SEMA6D: variants seen among roughly 807,000 people sequenced by gnomAD.
The protein encoded by SEMA6D is semaphorin 6D.
A neutral mutation model predicts 106.6 loss-of-function variants in SEMA6D; 35 were observed. That is an observed-to-expected ratio of 0.33 (90% CI 0.25 to 0.44). SEMA6D has a LOEUF of 0.44. Ranked by LOEUF, SEMA6D falls within the 20% of genes least tolerant of loss-of-function variation. SEMA6D has a pLI of 1.00. For missense variants in SEMA6D, 1,185 were observed against 1,345.9 expected (o/e 0.88, Z 1.87); for synonymous variants, 499 against 487.7 (o/e 1.02, Z -0.31).
chr15:47,278,075 G>A (rs1487734190), intron 1 of SEMA6D, among the ~76,000 whole-genome samples: 15 of 151,280 alleles, frequency 9.9e-5, no homozygotes, highest in African/African-American at 2.7e-4. Flanking sequence ...ATAAACATAC[G>A]TGTGCATGTG....
intron 4 of SEMA6D, among the ~76,000 whole-genome samples, chr15:47,670,674 CT>C (rs530354919): frequency 1.3e-3 from 200 of 152,260 alleles, no homozygotes; most frequent in Middle Eastern, 3.4e-3. Context: ...TTTCCAGTGC[CT>C]TTTCCCCATA....
intron 1 of SEMA6D, among the ~76,000 whole-genome samples, chr15:47,217,266 T>A (rs1204490838): frequency 6.6e-6 from 1 of 152,192 alleles, no homozygotes; most frequent in Non-Finnish European, 1.5e-5. Context: ...TGAAGGAAAT[T>A]GGCATGATTA....
chr15:47,569,647 A>C lies in SEMA6D; in HGVS notation c.-86-31218A>C, dbSNP rs1481762553. Among the ~76,000 whole-genome samples, 3 of 152,168 alleles carry C rather than the reference A, an allele frequency of 2.0e-5. No homozygotes were observed. In the East Asian group the frequency reaches 5.8e-4, roughly 29 times the overall value. On this transcript the variant is annotated intron_variant, in intron 3 of 19. Transcript: ENST00000558014. ...GAACTTCACTTACCCAGGACTGACT[A>C]CTTCCACCTTTAAAGGAATACAAAA...
intron 3 of SEMA6D, among the ~76,000 whole-genome samples, chr15:47,504,798 A>G (rs1247833037): frequency 6.6e-6 from 1 of 152,128 alleles, no homozygotes; most frequent in Non-Finnish European, 1.5e-5. Context: ...GAAGAGGCTA[A>G]TTTGGACACT....
chr15:47,683,366 A>G (rs1334595391), intron 4 of SEMA6D, among the ~76,000 whole-genome samples: 1 of 152,188 alleles, frequency 6.6e-6, no homozygotes, highest in African/African-American at 2.4e-5. Flanking sequence ...CAGCTCCATC[A>G]GTGTTGCTGC....
chr15:47,553,903 A>G lies in SEMA6D; in HGVS notation c.-86-46962A>G, dbSNP rs1055477386. Reference sequence around the variant, plus strand: ...GGAAAAACTATCCCAAGAGCAATGCATTGCAGGTGCACTCTGCTCTTAGCA... The same window carrying G: ...GGAAAAACTATCCCAAGAGCAATGCGTTGCAGGTGCACTCTGCTCTTAGCA... On this transcript the variant is annotated intron_variant, in intron 3 of 19. Coordinates refer to the SEMA6D transcript ENST00000558014. 1.3e-5 allele frequency among the ~76,000 whole-genome samples: 2 copies of G among 152,212 alleles called. 1 individual carries two copies. The highest frequency in any genetic ancestry group is 4.1e-4 in the South Asian group (2 of 4,832).
At chr15:47,361,298 C>T (rs899399193) in intron 1 of SEMA6D, among the ~76,000 whole-genome samples, 4 of 152,164 alleles carry the variant, frequency 2.6e-5, no homozygotes, top group African/African-American at 9.7e-5. Context: ...ATGGACATAT[C>T]CCCTTGATAA....
At chr15:47,287,410 T>C (rs1371661450) in intron 1 of SEMA6D, among the ~76,000 whole-genome samples, 1 of 152,184 alleles carries the variant, frequency 6.6e-6, no homozygotes, top group Non-Finnish European at 1.5e-5. Context: ...CAATGCTAAA[T>C]CTTTGAATGT....
chr15:47,611,956 G>C (rs889037737), intron 4 of SEMA6D, among the ~76,000 whole-genome samples: 1 of 152,146 alleles, frequency 6.6e-6, no homozygotes, highest in African/African-American at 2.4e-5. Context: ...AAGATGCCAG[G>C]TGAAAATAGA....
At chr15:47,325,159 GTT>G (rs35598744) in intron 1 of SEMA6D, among the ~76,000 whole-genome samples, 4 of 149,124 alleles carry the variant, frequency 2.7e-5, no homozygotes, top group African/African-American at 9.8e-5. Flanking sequence ...AGGGTGAAGC[GTT>G]TTTTTTTTGT....
At chr15:47,462,186 T>A (rs1443754750) in intron 2 of SEMA6D, among the ~76,000 whole-genome samples, 1 of 152,084 alleles carries the variant, frequency 6.6e-6, no homozygotes, top group African/African-American at 2.4e-5. Context: ...CTTTTGCTAT[T>A]TTTGTTGTCT....
At chr15:47,762,528 T>C (rs963631050) in intron 8 of SEMA6D, among the ~76,000 whole-genome samples, 1 of 152,004 alleles carries the variant, frequency 6.6e-6, no homozygotes, top group Non-Finnish European at 1.5e-5. Context: ...CAGGTGTTTA[T>C]CCTAGGTGAC....
chr15:47,665,429 G>A (rs2078007278), intron 4 of SEMA6D, among the ~76,000 whole-genome samples: 1 of 152,104 alleles, frequency 6.6e-6, no homozygotes, highest in Non-Finnish European at 1.5e-5. Context: ...CAGGAAGCCA[G>A]AACAGCAACT....
chr15:47,628,650 T>A (rs961419129), intron 4 of SEMA6D, among the ~76,000 whole-genome samples: 1 of 152,112 alleles, frequency 6.6e-6, no homozygotes, highest in East Asian at 1.9e-4. Flanking sequence ...TAGATGCTAG[T>A]CCTTTGTCAG....
intron 1 of SEMA6D, among the ~76,000 whole-genome samples, chr15:47,291,877 TCTCTC>T (rs2035606305): frequency 6.6e-6 from 1 of 152,234 alleles, no homozygotes; most frequent in South Asian, 2.1e-4. Flanking sequence ...TCTGTCTCTC[TCTCTC>T]AAGTCAGAGT....
chr15:47,493,726 A>G (rs1192776782), intron 3 of SEMA6D, among the ~76,000 whole-genome samples: 1 of 152,168 alleles, frequency 6.6e-6, no homozygotes, highest in Non-Finnish European at 1.5e-5. Context: ...AATCTCTTGT[A>G]TAGAGGTGAG....
At chr15:47,447,597 T>C (rs1045869212) in intron 2 of SEMA6D, among the ~76,000 whole-genome samples, 2 of 152,134 alleles carry the variant, frequency 1.3e-5, no homozygotes, top group Non-Finnish European at 2.9e-5. Flanking sequence ...CATGGCCCTA[T>C]ATATTTCTTC....
chr15:47,317,460 T>G (rs1348907606), intron 1 of SEMA6D, among the ~76,000 whole-genome samples: 1 of 152,204 alleles, frequency 6.6e-6, no homozygotes, highest in Non-Finnish European at 1.5e-5. Flanking sequence ...CTAGTGGTCT[T>G]CCTTTCTTTA....
intron 2 of SEMA6D, among the ~76,000 whole-genome samples, chr15:47,433,175 C>T (rs1219556659): frequency 6.6e-6 from 1 of 152,006 alleles, no homozygotes; most frequent in Non-Finnish European, 1.5e-5. Context: ...GACATTGTCA[C>T]TTTCTTCTTA....
Sources: allele counts gnomAD v4.1 joint callset (sites outside exome capture counted in the v4.1 genomes callset), GRCh38; gene constraint gnomAD v4.1.1; transcripts MANE v1.5; gene names NCBI Gene and HGNC (gene_info 2026-07-23, HGNC 2026-07-21).